The following MTERF4 variants were observed in gnomAD, a reference collection of about 807,000 sequenced individuals.
MTERF4 encodes the protein transcription termination factor 4, mitochondrial.
Under a neutral mutation model 22.5 loss-of-function variants are expected in MTERF4, and 17 were observed. That is an observed-to-expected ratio of 0.75 (90% CI 0.52 to 1.13). MTERF4 has a LOEUF of 1.13. Among genes scored for constraint, MTERF4 ranks in the 50% most tolerant of loss-of-function variants. The pLI, the probability that MTERF4 is intolerant of heterozygous loss-of-function variation, is 0.00. For synonymous variants in MTERF4, 165 were observed against 175.3 expected (o/e 0.94, Z 0.47); for missense variants, 420 against 466.8 (o/e 0.90, Z 0.92).
At chr2:241,072,967 G>A (rs371132035) in exon 5 of MTERF4, 235 of 431,822 alleles carry the variant, frequency 5.4e-4, no homozygotes, top group African/African-American at 8.5e-4. Flanking sequence ...GAAAGCAACC[G>A]CATCAGCCGT....
chr2:241,047,813 T>A, the MTERF4 span, among the ~76,000 whole-genome samples: 14,990 of 146,920 alleles, frequency 0.1, 812 homozygotes, highest in East Asian at 0.2. Flanking sequence ...GTTCTGTCCA[T>A]TCCCAGGTGG....
chr2:241,085,977 C>G (rs945646289), downstream of MTERF4, among the ~76,000 whole-genome samples: 3 of 149,826 alleles, frequency 2.0e-5, no homozygotes, highest in African/African-American at 4.9e-5. Context: ...AAGCTATTCT[C>G]CTGCCTCAGA....
At chr2:241,044,204 T>C in the MTERF4 span, among the ~76,000 whole-genome samples, 3 of 152,356 alleles carry the variant, frequency 2.0e-5, no homozygotes, top group East Asian at 5.8e-4. Context: ...TCTAGTCATA[T>C]TGGTAGTTAC....
At position 241,073,072 on chromosome 2, in the gene MTERF4, C is replaced by T; in HGVS notation, n.3090G>A. The T allele has an allele frequency of 1.7e-6, 1 of 573,046 alleles. No homozygotes were observed. The highest frequency in any genetic ancestry group is 3.1e-6 in the Non-Finnish European group (1 of 321,086). 35.5% of individuals were successfully genotyped at this position (573,046 alleles called of 1,614,324 possible). A position where few individuals can be genotyped will look rare whatever the true frequency, so the allele number is the denominator to read the frequency against. On this transcript the variant is annotated non_coding_transcript_exon_variant, in exon 5 of 5. Coordinates refer to the MTERF4 transcript ENST00000464344. This position sits in a 1 kb window ranked among gnomAD's most constrained non-coding sequence, Gnocchi z 6.6. ...GGAAGGCCGAGCCCCTCCAGAGGGTCAGCAGGAGGGTGAGGCCAGCCCTTC... is the reference window on the plus strand; with the variant it reads ...GGAAGGCCGAGCCCCTCCAGAGGGTTAGCAGGAGGGTGAGGCCAGCCCTTC...
chr2:241,065,628 A>G, the MTERF4 span: 1 of 1,597,292 alleles, frequency 6.3e-7, no homozygotes, highest in Non-Finnish European at 8.5e-7. Flanking sequence ...GTCCCTGCCC[A>G]GCCCCTGCCC....
At chr2:241,063,601 C>T in the MTERF4 span, 1 of 1,608,628 alleles carries the variant, frequency 6.2e-7, no homozygotes, top group South Asian at 1.1e-5. Context: ...GGATGAGTGC[C>T]GAGCTCACCC....
chr2:241,081,686 G>C, intron 4 of MTERF4: 1 of 1,603,410 alleles, frequency 6.2e-7, no homozygotes, highest in African/African-American at 1.3e-5. Context: ...GACGTCCCTG[G>C]CAACTGTTCA....
At chr2:241,064,634 G>A in the MTERF4 span, among the ~76,000 whole-genome samples, 2 of 152,194 alleles carry the variant, frequency 1.3e-5, no homozygotes, top group African/African-American at 2.4e-5. This position sits in a 1 kb window ranked among gnomAD's most constrained non-coding sequence, Gnocchi z 7.0. Flanking sequence ...CCGGCTGGTG[G>A]CACTCCGCTG....
chr2:241,089,887 T>C, downstream of MTERF4: 2 of 1,503,034 alleles, frequency 1.3e-6, no homozygotes, highest in Non-Finnish European at 1.8e-6. Context: ...TACTGAATAC[T>C]GTAGGCGGTC....
the MTERF4 span, chr2:241,051,939 C>A: frequency 6.8e-7 from 1 of 1,465,814 alleles, no homozygotes; most frequent in South Asian, 1.2e-5. The surrounding 1 kb of genome is among the most constrained non-coding windows in gnomAD (Gnocchi z 4.7). Context: ...ACCCTCCCTG[C>A]CAGCTGTGGG....
Position 241,096,121 on chromosome 2 carries a change from C to T in MTERF4, c.1023G>A (p.Glu341=), listed in dbSNP as rs1403839787. The change falls in exon 4 of 4, where the codon GAG becomes GAA. Residue 341 remains glutamate (E), a synonymous_variant. Coordinates refer to ENST00000391980, the MANE Select transcript of MTERF4 (RefSeq NM_182501.4). The surrounding 1 kb of genome is among the most constrained non-coding windows in gnomAD (Gnocchi z 5.1). ...CCTCCTCATCATCGTCATCCTCATC[C>T]TCATCCAGACTTGCCCTTTTGTCAT... ...TSDDKRASLD[E]DEDDDDEEDN... The T allele has an allele frequency of 1.2e-6, 2 of 1,613,962 alleles. No individual in the cohort carries two copies. The highest frequency in any genetic ancestry group is 1.7e-6 in the Non-Finnish European group (2 of 1,180,028).
At chr2:241,081,759 C>T (rs1220716661) in intron 4 of MTERF4, 8 of 1,602,700 alleles carry the variant, frequency 5.0e-6, no homozygotes, top group East Asian at 4.5e-5. Context: ...GCTGTGACTG[C>T]GGGCCAGGGT....
chr2:241,048,238 G>A, the MTERF4 span: 1 of 1,452,906 alleles, frequency 6.9e-7, no homozygotes, highest in Non-Finnish European at 9.1e-7. Context: ...ACCCAAAGGT[G>A]CCATTGGAGC....
At chr2:241,051,473 G>C in the MTERF4 span, 1 of 367,520 alleles carries the variant, frequency 2.7e-6, no homozygotes, top group Non-Finnish European at 4.9e-6. The surrounding 1 kb of genome is among the most constrained non-coding windows in gnomAD (Gnocchi z 4.7). Flanking sequence ...TCCACAGGAA[G>C]GGCCCAGCCA....
At chr2:241,087,769 C>G, downstream of MTERF4, 7 of 1,099,752 alleles carry the variant, frequency 6.4e-6, no homozygotes, top group Non-Finnish European at 8.2e-6. Flanking sequence ...CAGGGTGTTA[C>G]GGACAGCCCC....
chr2:241,067,830 C>T (rs368818342), downstream of MTERF4: 14 of 1,613,406 alleles, frequency 8.7e-6, no homozygotes, highest in African/African-American at 1.7e-4. Flanking sequence ...GTGCAGTGGG[C>T]CCTGCACAGG....
At chr2:241,083,736 T>C (rs553837624), downstream of MTERF4, among the ~76,000 whole-genome samples, 5 of 152,294 alleles carry the variant, frequency 3.3e-5, no homozygotes, top group African/African-American at 9.6e-5. Context: ...CATTCTATCC[T>C]TTCACTTTTA....
chr2:241,055,365 T>C, the MTERF4 span, among the ~76,000 whole-genome samples: 3 of 152,084 alleles, frequency 2.0e-5, no homozygotes, highest in African/African-American at 7.2e-5. Context: ...CAGAAAAAGT[T>C]TTAACTTCCA....
chr2:241,058,940 A>ACT, the MTERF4 span, among the ~76,000 whole-genome samples: 1 of 151,432 alleles, frequency 6.6e-6, no homozygotes, highest in African/African-American at 2.4e-5. Flanking sequence ...ACACAGCAAG[A>ACT]CTCTGTTTCA....
Sources: allele counts gnomAD v4.1 joint callset (sites outside exome capture counted in the v4.1 genomes callset), GRCh38; gene constraint gnomAD v4.1.1; non-coding constraint Gnocchi (gnomAD v3.1); transcripts MANE v1.5; gene names NCBI Gene and HGNC (gene_info 2026-07-23, HGNC 2026-07-21).